The following MAP7D1 variants were observed in gnomAD, a reference collection of about 807,000 sequenced individuals.
The protein encoded by MAP7D1 is MAP7 domain-containing protein 1.
A neutral mutation model predicts 97.5 loss-of-function variants in MAP7D1; 30 were observed. The ratio of observed to expected loss-of-function variants is 0.31; its 90% confidence interval spans 0.23 to 0.42. MAP7D1 has a LOEUF of 0.42. Ranked by LOEUF, MAP7D1 falls within the 10% of genes least tolerant of loss-of-function variation. The pLI is 1.00. For synonymous variants in MAP7D1, 536 were observed against 477.1 expected (o/e 1.12, Z -1.61); for missense variants, 1,184 against 1,179.5 (o/e 1.00, Z -0.06).
At chr1:36,178,869 C>T (rs776256318) in intron 11 of MAP7D1, 46 bp downstream of exon 11, 77 of 1,547,598 alleles carry the variant, frequency 5.0e-5, no homozygotes, top group Non-Finnish European at 5.4e-5. Context: ...CGCCGCGGGC[C>T]GGGAGGGAAG....
chr1:36,176,501 G>A lies in MAP7D1; in HGVS notation c.1153G>A (p.Ala385Thr). 1 of 1,375,974 alleles carries A rather than the reference G, an allele frequency of 7.3e-7. No homozygotes were observed. The highest frequency in any genetic ancestry group is 3.7e-5 in the Admixed American group (1 of 27,352). 85.2% of individuals were successfully genotyped at this position (1,375,974 alleles called of 1,614,324 possible). Residue 385 changes from alanine to threonine, a missense_variant, in exon 7 of 17, where the codon GCC (alanine) becomes ACC (threonine). Physicochemically the swap from Ala to Thr is moderately conservative, Grantham distance 58. Transcript: ENST00000474796. This position sits in a 1 kb window ranked among gnomAD's most constrained non-coding sequence, Gnocchi z 6.1. The part of the protein sequence containing the change: ...VTRSVHRCAP[A>T]GERGERRKPN... ...CCGAAGCGTGCACCGCTGCGCCCCC[G>A]CCGGTGAGCGCGGGGAGCGCCGCAA...
At chr1:36,157,712 G>C (rs1644356862) in intron 1 of MAP7D1, among the ~76,000 whole-genome samples, 1 of 152,226 alleles carries the variant, frequency 6.6e-6, no homozygotes, top group Admixed American at 6.5e-5. Context: ...GAAACAGTTC[G>C]TGTGGGTGCG....
intron 1 of MAP7D1, 129 bp from the exon 2 acceptor site, chr1:36,170,842 C>T (rs1302206349): frequency 3.1e-6 from 2 of 640,946 alleles, no homozygotes; most frequent in East Asian, 5.3e-5. Context: ...GGAACAGGGC[C>T]CGGCACATAG....
chr1:36,174,688 C>A (rs1055516417), intron 5 of MAP7D1, among the ~76,000 whole-genome samples: 1 of 151,974 alleles, frequency 6.6e-6, no homozygotes, highest in Admixed American at 6.6e-5. Flanking sequence ...TGTTCCTTCT[C>A]CGTCGGCTCC....
chr1:36,170,029 C>T (rs886313462), intron 1 of MAP7D1, among the ~76,000 whole-genome samples: 4 of 152,088 alleles, frequency 2.6e-5, no homozygotes, highest in Admixed American at 1.3e-4. Context: ...AATTCACTAG[C>T]AGCAAGTAGA....
rs745442971 is a variant in MAP7D1 at position 36,179,579 on chromosome 1, C to T, written c.2227+22C>T. ...CCAGGTAAAGCCCCCATTCCTCTCG[C>T]CTCCCTTCCCTTTGCCATCCTCCTC... On this transcript the variant is annotated intron_variant, in intron 14 of 16. Coordinates refer to ENST00000474796, the MANE Select transcript of MAP7D1 (RefSeq NM_001388490.1). 9.0e-6 allele frequency: 14 copies of T among 1,557,060 alleles called. No individual in the cohort carries two copies. In the East Asian group the frequency reaches 2.6e-4, roughly 29 times the overall value.
Position 36,172,539 on chromosome 1 carries a change from G to T in MAP7D1, c.536G>T (p.Arg179Leu), listed in dbSNP as rs772737835. 1.9e-6 allele frequency: 3 copies of T among 1,602,828 alleles called. No individual in the cohort carries two copies. The highest frequency in any genetic ancestry group is 2.2e-5 in the South Asian group (2 of 90,618). The change falls in exon 4 of 17, where the codon CGG becomes CTG. Residue 179 changes from arginine (R) to leucine (L), a missense_variant. Coordinates refer to ENST00000474796, the MANE Select transcript of MAP7D1 (RefSeq NM_001388490.1). ...CGGGAGAAGCAGCTCCAGGAGCGCC[G>T]GCGCCGGCTGGAGGAGCAACGTCTT... ...ALREKQLQER[R>L]RRLEEQRLKA...
chr1:36,161,875 GTA>G (rs1553183474), intron 1 of MAP7D1, among the ~76,000 whole-genome samples: 90 of 125,654 alleles, frequency 7.2e-4, no homozygotes, highest in African/African-American at 2.3e-3. Context: ...GTGTGTGTGT[GTA>G]TGTGTGTGTG....
chr1:36,179,098 A>T (rs1644677459), intron 12 of MAP7D1, 73 bp downstream of exon 12: 2 of 1,516,520 alleles, frequency 1.3e-6, no homozygotes, highest in African/African-American at 1.4e-5. Context: ...GCCTGGGCTT[A>T]GAGCGGACAG....
At chr1:36,178,340 G>A in intron 9 of MAP7D1, 79 bp from the exon 10 acceptor site, 1 of 1,510,450 alleles carries the variant, frequency 6.6e-7, no homozygotes, top group Admixed American at 2.0e-5. Flanking sequence ...GCAGTCCCAG[G>A]CCCAGAACAC....
chr1:36,165,962 T>C (rs147111062), intron 1 of MAP7D1, among the ~76,000 whole-genome samples: 11,937 of 152,144 alleles, frequency 0.078, 1,112 homozygotes, highest in East Asian at 0.26. Context: ...ACTCCTGACC[T>C]CAGGTGATCC....
chr1:36,178,971 G>A lies in MAP7D1; in HGVS notation c.2076G>A (p.Leu692=). 1 of 1,559,492 alleles carries A rather than the reference G, an allele frequency of 6.4e-7. No individual in the cohort carries two copies. Among genetic ancestry groups the A allele is most frequent in the Non-Finnish European group, 8.7e-7 (1 of 1,151,984 alleles). The change falls in exon 12 of 17, where the codon CTG becomes CTA. Residue 692 remains leucine, a synonymous_variant. Transcript: ENST00000474796. ...GGGAAGAGGCGGAGCGGCAGCGTCTGGAGCGGGAAAAGCACTTCCAGCAGC... is the reference window on the plus strand; with the variant it reads ...GGGAAGAGGCGGAGCGGCAGCGTCTAGAGCGGGAAAAGCACTTCCAGCAGC... ...RSREEAERQR[L]EREKHFQQQE... is the part of the protein sequence containing the mutation.
Position 36,178,750 on chromosome 1 carries a change from G to A in MAP7D1, c.1952G>A (p.Arg651Gln). The change falls in exon 11 of 17, where the codon CGG becomes CAG. Residue 651 changes from arginine to glutamine, a missense_variant. Physicochemically the swap from Arg to Gln is conservative, Grantham distance 43. Coordinates refer to ENST00000474796, the MANE Select transcript of MAP7D1 (RefSeq NM_001388490.1). Reference protein sequence around the residue: ...EARAEREAEARRREEQEAREK... With the variant: ...EARAEREAEAQRREEQEAREK... Reference sequence around the variant, plus strand: ...CGGGCGGAGCGGGAGGCGGAGGCCCGGAGGCGGGAGGAGCAGGAGGCACGA... The same window carrying A: ...CGGGCGGAGCGGGAGGCGGAGGCCCAGAGGCGGGAGGAGCAGGAGGCACGA... 3 of 1,545,200 alleles carry A rather than the reference G, an allele frequency of 1.9e-6. No individual in the cohort carries two copies. Among genetic ancestry groups the A allele is most frequent in the Non-Finnish European group, 1.7e-6 (2 of 1,145,136 alleles).
At chr1:36,179,074 G>T in intron 12 of MAP7D1, 49 bp downstream of exon 12, 2 of 1,442,608 alleles carry the variant, frequency 1.4e-6, no homozygotes, top group Non-Finnish European at 1.9e-6. Flanking sequence ...GGCAGGGCGG[G>T]CCAGGTGGGC....
chr1:36,177,985 C>A lies in MAP7D1; in HGVS notation c.1492C>A (p.Arg498=). 1.2e-6 allele frequency: 2 copies of A among 1,610,668 alleles called. No homozygotes were observed. Among genetic ancestry groups the A allele is most frequent in the Non-Finnish European group, 1.7e-6 (2 of 1,177,570 alleles). Reference sequence around the variant, plus strand: ...TCTGCCTCCAAAGCCACCGTCCCCCCGAGGCACCACTGCATCCCCCAAGGG... The same window carrying A: ...TCTGCCTCCAAAGCCACCGTCCCCCAGAGGCACCACTGCATCCCCCAAGGG... ...HTLPPKPPSP[R]GTTASPKGRV... Residue 498 remains arginine (R), a synonymous_variant, in exon 9 of 17, where the codon CGA becomes AGA. Coordinates refer to ENST00000474796, the MANE Select transcript of MAP7D1 (RefSeq NM_001388490.1).
Position 36,179,006 on chromosome 1 carries a change from A to C in MAP7D1, c.2111A>C (p.Glu704Ala). 1 of 1,545,860 alleles carries C rather than the reference A, an allele frequency of 6.5e-7. No individual in the cohort carries two copies. Among genetic ancestry groups the C allele is most frequent in the Non-Finnish European group, 8.7e-7 (1 of 1,146,494 alleles). The change falls in exon 12 of 17, where the codon GAG becomes GCG. Residue 704 changes from glutamate (E) to alanine (A), a missense_variant. Physicochemically the swap from Glu to Ala is moderately radical, Grantham distance 107. Transcript: ENST00000474796. ...REKHFQQQEQ[E>A]RQERRKRLEE... ...AAGCACTTCCAGCAGCAGGAGCAAG[A>C]GCGGCAAGAGCGCAGAAAGGTGTGC...
At chr1:36,173,320 A>AT in intron 4 of MAP7D1, 44 bp from the exon 5 acceptor site, 1 of 1,470,122 alleles carries the variant, frequency 6.8e-7, no homozygotes, top group Non-Finnish European at 9.4e-7. Context: ...AATTCGATGA[A>AT]TGTTCTGAGT....
intron 2 of MAP7D1, 81 bp downstream of exon 2, chr1:36,171,396 T>A: frequency 6.5e-7 from 1 of 1,541,200 alleles, no homozygotes; most frequent in African/African-American, 1.4e-5. Context: ...GAAAGAGTCC[T>A]GTTTGCCCTA....
At chr1:36,164,000 GT>G (rs912283667) in intron 1 of MAP7D1, among the ~76,000 whole-genome samples, 1 of 151,520 alleles carries the variant, frequency 6.6e-6, no homozygotes, top group Non-Finnish European at 1.5e-5. Context: ...AATTTTTGTA[GT>G]TTTAGTAGAC....
Sources: allele counts gnomAD v4.1 joint callset (sites outside exome capture counted in the v4.1 genomes callset), GRCh38; gene constraint gnomAD v4.1.1; non-coding constraint Gnocchi (gnomAD v3.1); transcripts MANE v1.5; gene names NCBI Gene and HGNC (gene_info 2026-07-23, HGNC 2026-07-21).